Variants in EIF4A2 observed in about 807,000 individuals in gnomAD.
EIF4A2 encodes eukaryotic initiation factor 4A-II.
EIF4A2 carries 9 observed loss-of-function variants against 50.6 expected under a neutral mutation model. The ratio of observed to expected loss-of-function variants is 0.18; its 90% CI spans 0.11 to 0.31. EIF4A2 has a LOEUF of 0.31. Ranked by LOEUF, EIF4A2 falls within the 10% of genes least tolerant of loss-of-function variation. The probability of loss-of-function intolerance (pLI) is 1.00; values close to 1 mark genes in which losing one functional copy is unlikely to be tolerated. For missense variants in EIF4A2, 182 were observed against 501.8 expected, an observed-to-expected ratio of 0.36 and a Z score of 6.09; for synonymous variants, 215 against 164.4, an observed-to-expected ratio of 1.31 and a Z score of -2.35.
At chr3:186,787,690 C>G in intron 9 of EIF4A2, 106 bp downstream of exon 9, 2 of 1,580,510 alleles carry the variant, frequency 1.3e-6, no homozygotes, top group South Asian at 1.1e-5. Flanking sequence ...AGTAAAAGAC[C>G]ACACTCCACA....
At chr3:186,787,984 G>T in intron 10 of EIF4A2, 102 bp downstream of exon 10, 1 of 1,232,114 alleles carries the variant, frequency 8.1e-7, no homozygotes, top group East Asian at 2.5e-5. Context: ...ATTCAGTAAA[G>T]TCAGTAGTGT....
rs777780731 is a variant in EIF4A2, at chr3:186,786,088, CTG to C, written c.517+39_517+40del. 5.7e-4 allele frequency: 916 copies of C among 1,599,718 alleles called. 16 individuals are homozygous for C. The highest frequency in any genetic ancestry group is 1.2e-3 in the Middle Eastern group (7 of 5,996). On this transcript the variant is annotated intron_variant, in intron 5 of 10. Coordinates refer to ENST00000323963, the MANE Select transcript of EIF4A2 (RefSeq NM_001967.4). ...CTTTAAGAGAGTATTTTTTTTAAAA[CTG>C]TTAACATAGTTGAAAAGTCAAATTG...
intron 5 of EIF4A2, 40 bp from the exon 6 acceptor site, chr3:186,786,124 A>T: frequency 6.2e-7 from 1 of 1,605,894 alleles, no homozygotes; most frequent in African/African-American, 1.3e-5. Flanking sequence ...TGTATCACTG[A>T]GTAGATCTAG....
chr3:186,785,335 A>G (rs1209271103), intron 4 of EIF4A2: 3 of 553,420 alleles, frequency 5.4e-6, no homozygotes, highest in Admixed American at 7.2e-5. Flanking sequence ...TGGATGTACT[A>G]GATCTGTCCC....
rs571773703 is a variant in EIF4A2, at chr3:186,788,283, T to TA, written c.1079+408dup. 1.5e-4 allele frequency: 194 copies of TA among 1,291,942 alleles called. 2 individuals carry two copies. In the East Asian group the frequency reaches 8.5e-3, roughly 56 times the overall value. The allele number at this position is 1,291,942 out of a possible 1,614,324, so 80.0% of individuals were successfully genotyped here. A position where few individuals can be genotyped will look rare whatever the true frequency, so the allele number is the denominator to read the frequency against. Reference sequence around the variant, plus strand: ...TTGAATTGTACTTTGTTATATGATGTAAAAAAAGACTTTTTAAAAAATACA... The same window carrying TA: ...TTGAATTGTACTTTGTTATATGATGTAAAAAAAAGACTTTTTAAAAAATACA... On this transcript the variant is annotated intron_variant, in intron 10 of 10. Coordinates refer to ENST00000323963, the MANE Select transcript of EIF4A2 (RefSeq NM_001967.4).
At chr3:186,783,691 G>C (rs761889192) in intron 1 of EIF4A2, 52 bp downstream of exon 1, 15 of 1,613,754 alleles carry the variant, frequency 9.3e-6, no homozygotes, top group African/African-American at 1.3e-5. Flanking sequence ...TAGGGCGCCA[G>C]GGGAGATGAT....
intron 10 of EIF4A2, 101 bp downstream of exon 10, chr3:186,787,983 A>C: frequency 2.4e-6 from 3 of 1,247,910 alleles, no homozygotes; most frequent in South Asian, 2.6e-5. Flanking sequence ...GATTCAGTAA[A>C]GTCAGTAGTG....
chr3:186,784,159 T>G, intron 1 of EIF4A2: 1 of 539,268 alleles, frequency 1.9e-6, no homozygotes, highest in Non-Finnish European at 3.3e-6. Context: ...TGCGCATTGT[T>G]GGGGGCGGAG....
At chr3:186,787,307 A>G (rs1207949937) in intron 8 of EIF4A2, 43 bp downstream of exon 8, 21 of 1,614,032 alleles carry the variant, frequency 1.3e-5, no homozygotes, top group Non-Finnish European at 1.8e-5. Context: ...CTAAAGCAGG[A>G]TTCAGACTAC....
At chr3:186,788,391 C>G in intron 10 of EIF4A2, 1 of 1,285,546 alleles carries the variant, frequency 7.8e-7, no homozygotes, top group Non-Finnish European at 1.0e-6. Context: ...ATAAGCGAAA[C>G]AGCACACTGT....
intron 4 of EIF4A2, 198 bp downstream of exon 4, chr3:186,785,299 T>G: frequency 2.8e-6 from 2 of 708,750 alleles, no homozygotes; most frequent in Non-Finnish European, 4.5e-6. Context: ...TGTATACTAA[T>G]AGATTGAGAA....
intron 1 of EIF4A2, chr3:186,784,024 G>A: frequency 2.4e-6 from 1 of 414,804 alleles, no homozygotes; most frequent in South Asian, 3.0e-5. Flanking sequence ...GGCTTTACTT[G>A]GGGAAGGGTT....
rs760795365 is a variant in EIF4A2 at position 186,786,662 on chromosome 3, T to TA, written c.771+18dup. The TA allele has an allele frequency of 2.3e-5, 37 of 1,613,384 alleles. No homozygotes were observed. The African/African-American group carries it at 4.6e-4, about 20-fold the overall frequency. ...GAGAGAGAGGTAACTGTCTGATTGT[T>TA]AGACATTATTTTACCTTCTTGTATA... On this transcript the variant is annotated intron_variant, in intron 7 of 10. Transcript: ENST00000323963.
rs903173196 is a variant in EIF4A2 at position 186,789,789 on chromosome 3, T to C, written c.*520T>C. 30 of 576,394 alleles carry C rather than the reference T, an allele frequency of 5.2e-5. No individual in the cohort carries two copies. The African/African-American group carries it at 5.6e-4, about 11-fold the overall frequency. The allele number at this position is 576,394 out of a possible 1,614,324, so 35.7% of individuals were successfully genotyped here. ...CTAAGTGTGAACTGGACCCTGTTGCTAAGCCCCAGCAAGCAATCCTAGGTA... is the reference window on the plus strand; with the variant it reads ...CTAAGTGTGAACTGGACCCTGTTGCCAAGCCCCAGCAAGCAATCCTAGGTA... On this transcript the variant is annotated 3_prime_UTR_variant, in exon 11 of 11. Coordinates refer to ENST00000323963, the MANE Select transcript of EIF4A2 (RefSeq NM_001967.4).
chr3:186,789,764 C>G lies in EIF4A2; in HGVS notation c.*495C>G, dbSNP rs1413397052. On this transcript the variant is annotated 3_prime_UTR_variant, in exon 11 of 11. Coordinates refer to ENST00000323963, the MANE Select transcript of EIF4A2 (RefSeq NM_001967.4). ...TATTCAATAAAGTATTTAATTAGTG[C>G]TAAGTGTGAACTGGACCCTGTTGCT... 5 of 533,006 alleles carry G rather than the reference C, an allele frequency of 9.4e-6. No individual in the cohort carries two copies. Among genetic ancestry groups the G allele is most frequent in the Non-Finnish European group, 1.7e-5 (5 of 301,704 alleles). The allele number at this position is 533,006 out of a possible 1,614,324, so 33.0% of individuals were successfully genotyped here. A position where few individuals can be genotyped will look rare whatever the true frequency, so the allele number is the denominator to read the frequency against.
chr3:186,789,216 T>TTG lies in EIF4A2; in HGVS notation c.1172_1173insGT (p.Phe391LeufsTer12). The TTG allele has an allele frequency of 6.2e-7, 1 of 1,613,264 alleles. No homozygotes were observed. Among genetic ancestry groups the TTG allele is most frequent in the Non-Finnish European group, 8.5e-7 (1 of 1,179,774 alleles). The stretch of plus-strand genomic sequence containing the variant: ...GAGGATTCTTCGTGACATTGAGACT[T>TTG]TCTACAATACTACAGTGGAGGAGAT... On this transcript the variant is annotated frameshift_variant, in exon 11 of 11. Transcript: ENST00000323963. LOFTEE classifies it high-confidence loss of function.
chr3:186,789,693 A>G lies in EIF4A2; in HGVS notation c.*424A>G, dbSNP rs1722001811. The G allele has an allele frequency of 2.7e-6, 1 of 376,654 alleles. No homozygotes were observed. Among genetic ancestry groups the G allele is most frequent in the Non-Finnish European group, 4.8e-6 (1 of 208,906 alleles). The allele number at this position is 376,654 out of a possible 1,614,324, so 23.3% of individuals were successfully genotyped here. Reference sequence around the variant, plus strand: ...TTAGCCTGAGTAGAAAGGCCTTTAAAATTTTTTTAGAAAGCATTTGAATGC... The same window carrying G: ...TTAGCCTGAGTAGAAAGGCCTTTAAGATTTTTTTAGAAAGCATTTGAATGC... On this transcript the variant is annotated 3_prime_UTR_variant, in exon 11 of 11. Coordinates refer to ENST00000323963, the MANE Select transcript of EIF4A2 (RefSeq NM_001967.4).
At position 186,789,272 on chromosome 3, in the gene EIF4A2, C is replaced by G; in HGVS notation, c.*3C>G. On this transcript the variant is annotated 3_prime_UTR_variant, in exon 11 of 11. Transcript: ENST00000323963. ...TGAATGTGGCTGACCTTATTTAATT[C>G]CTGGGATGAGAGTTTTGGATGCAGT... 6.2e-7 allele frequency: 1 copy of G among 1,603,180 alleles called. No individual in the cohort carries two copies. The highest frequency in any genetic ancestry group is 8.5e-7 in the Non-Finnish European group (1 of 1,175,244).
In EIF4A2 at chr3:186,789,875, A is replaced by G. The variant is rs1026603698; in HGVS notation, c.*606A>G. 7 of 803,408 alleles carry G rather than the reference A, an allele frequency of 8.7e-6. No individual in the cohort carries two copies. The African/African-American group carries it at 1.0e-4, about 12-fold the overall frequency. The allele number at this position is 803,408 out of a possible 1,614,324, so 49.8% of individuals were successfully genotyped here. ...TGTCTTAATGAAGTTTGAATGTTAA[A>G]TAAATTGTATATTCACTTTAAAGGT... is the stretch of plus-strand genomic sequence containing the variant. On this transcript the variant is annotated 3_prime_UTR_variant, in exon 11 of 11. Transcript: ENST00000323963.
Sources: gnomAD v4.1 joint callset for allele counts on GRCh38, gnomAD v4.1.1 for gene constraint, MANE v1.5 for transcripts, NCBI Gene and HGNC (gene_info 2026-07-23, HGNC 2026-07-21) for gene names.